The following TMCO4 variants were observed in gnomAD, a reference collection of about 807,000 sequenced individuals.
TMCO4 encodes the protein transmembrane and coiled-coil domains 4, also known as transmembrane and coiled-coil domain-containing protein 4.
In TMCO4, 58 loss-of-function variants were observed where a neutral mutation model predicts 64.7. The ratio of observed to expected loss-of-function variants is 0.90; its 90% confidence interval spans 0.73 to 1.12. TMCO4 has a LOEUF of 1.12. Among genes scored for constraint, TMCO4 ranks in the 50% most tolerant of loss-of-function variants. TMCO4 has a pLI of 0.00. For synonymous variants in TMCO4, 325 were observed against 346.1 expected (o/e 0.94, Z 0.68); for missense variants, 780 against 825.9 (o/e 0.94, Z 0.68).
Position 19,733,644 on chromosome 1 carries a change from T to C in TMCO4, c.1264+3728A>G, listed in dbSNP as rs1357306515. On this transcript the variant is annotated intron_variant, in intron 13 of 15. Transcript: ENST00000294543. Reference sequence around the variant, plus strand: ...CATATAGGGGCCTCATATATATATTTTGGGAAAACAATTGCCCACGTGCTG... The same window carrying C: ...CATATAGGGGCCTCATATATATATTCTGGGAAAACAATTGCCCACGTGCTG... Among the ~76,000 whole-genome samples, 3 of 152,126 alleles carry C rather than the reference T, an allele frequency of 2.0e-5. No individual in the cohort carries two copies. The East Asian group carries it at 5.8e-4, about 29-fold the overall frequency.
In TMCO4 at chr1:19,712,566, G is replaced by A. The variant is rs930293029; in HGVS notation, c.1265-11681C>T. ...ACCTGAGATGCAGAGGTTGCAGTGA[G>A]CTGAGACCATGCCACTGCACTCCAG... On this transcript the variant is annotated intron_variant, in intron 13 of 15. Coordinates refer to ENST00000294543, the MANE Select transcript of TMCO4 (RefSeq NM_181719.7). 2.7e-5 allele frequency among the ~76,000 whole-genome samples: 4 copies of A among 150,908 alleles called. No homozygotes were observed. The Admixed American group carries it at 2.7e-4, about 10-fold the overall frequency.
intron 9 of TMCO4, 28 bp from the exon 10 acceptor site, chr1:19,745,679 T>C (rs377616866): frequency 6.3e-6 from 10 of 1,580,712 alleles, no homozygotes; most frequent in African/African-American, 1.3e-5. Context: ...AGAAAGAGAA[T>C]GGAGGTGACT....
chr1:19,718,106 G>A (rs2095364846), intron 13 of TMCO4, among the ~76,000 whole-genome samples: 1 of 152,054 alleles, frequency 6.6e-6, no homozygotes. Flanking sequence ...GCTAAGGCAG[G>A]TGGATCACCT....
chr1:19,718,947 C>T (rs1339326952), intron 13 of TMCO4, among the ~76,000 whole-genome samples: 1 of 152,192 alleles, frequency 6.6e-6, no homozygotes, highest in African/African-American at 2.4e-5. Context: ...CAACTGCTAA[C>T]TACACACAAC....
intron 14 of TMCO4, 127 bp from the exon 15 acceptor site, chr1:19,694,678 T>G: frequency 9.2e-6 from 7 of 759,420 alleles, no homozygotes; most frequent in East Asian, 2.6e-5. Context: ...ACAGGGCCCC[T>G]GATTGCACGG....
chr1:19,761,857 G>T (rs1370145268), intron 6 of TMCO4, among the ~76,000 whole-genome samples: 1 of 152,236 alleles, frequency 6.6e-6, no homozygotes, highest in Non-Finnish European at 1.5e-5. Flanking sequence ...ATGTGCTCAT[G>T]CCTGGAGGCA....
At chr1:19,778,224 T>C (rs1358443440) in intron 4 of TMCO4, among the ~76,000 whole-genome samples, 1 of 151,948 alleles carries the variant, frequency 6.6e-6, no homozygotes, top group Non-Finnish European at 1.5e-5. Context: ...GTGTGCTTTG[T>C]CTACATCATC....
chr1:19,787,208 A>G (rs1336701583), intron 2 of TMCO4, 91 bp from the exon 3 acceptor site: 1 of 152,312 alleles, frequency 6.6e-6, no homozygotes, highest in Non-Finnish European at 1.5e-5. Flanking sequence ...CTGGTCAGTT[A>G]AAGCTCAGGG....
At chr1:19,716,105 C>T (rs2095354477) in intron 13 of TMCO4, among the ~76,000 whole-genome samples, 1 of 151,938 alleles carries the variant, frequency 6.6e-6, no homozygotes, top group African/African-American at 2.4e-5. Context: ...TTGTTTGAGC[C>T]CAGGAGTTTG....
At chr1:19,709,676 G>T (rs1206104551) in intron 13 of TMCO4, among the ~76,000 whole-genome samples, 2 of 151,768 alleles carry the variant, frequency 1.3e-5, no homozygotes, top group African/African-American at 4.8e-5. Context: ...CTTCACAGGG[G>T]CAGGGAATGA....
intron 4 of TMCO4, among the ~76,000 whole-genome samples, chr1:19,775,760 T>G (rs2043178133): frequency 6.6e-6 from 1 of 152,206 alleles, no homozygotes; most frequent in South Asian, 2.1e-4. Context: ...GGGAACAGCA[T>G]CTGTGATGTT....
intron 14 of TMCO4, among the ~76,000 whole-genome samples, chr1:19,696,221 T>C (rs2095235752): frequency 6.6e-6 from 1 of 152,200 alleles, no homozygotes; most frequent in African/African-American, 2.4e-5. Flanking sequence ...TACCGATGAT[T>C]ATCCTAATAT....
intron 15 of TMCO4, among the ~76,000 whole-genome samples, chr1:19,687,872 G>C (rs970834492): frequency 2.6e-5 from 4 of 152,256 alleles, no homozygotes; most frequent in Middle Eastern, 6.8e-3. Flanking sequence ...AAGTTGGTCT[G>C]GGTCTCAGGC....
At chr1:19,695,642 C>T (rs1005085597) in intron 14 of TMCO4, among the ~76,000 whole-genome samples, 3 of 152,144 alleles carry the variant, frequency 2.0e-5, no homozygotes, top group Admixed American at 1.3e-4. Context: ...TGCTGTGTGA[C>T]CACAGGCAAG....
chr1:19,756,406 C>G (rs2042258190), intron 6 of TMCO4, among the ~76,000 whole-genome samples: 1 of 152,010 alleles, frequency 6.6e-6, no homozygotes, highest in African/African-American at 2.4e-5. Context: ...GGCAACTGGA[C>G]AATAAGTATC....
Position 19,739,173 on chromosome 1 carries a change from C to G in TMCO4, c.1179+651G>C, listed in dbSNP as rs12067228. Among the ~76,000 whole-genome samples the G allele has an allele frequency of 1.6e-3, 247 of 152,330 alleles. 1 individual carries two copies. The highest frequency in any genetic ancestry group is 5.8e-3 in the African/African-American group (243 of 41,574). Reference sequence around the variant, plus strand: ...CCTGACAATGCAGTCATTTCTGGTACTGCTTCTCAAGCTTTTGTCTCCATT... The same window carrying G: ...CCTGACAATGCAGTCATTTCTGGTAGTGCTTCTCAAGCTTTTGTCTCCATT... On this transcript the variant is annotated intron_variant, in intron 12 of 15. Coordinates refer to ENST00000294543, the MANE Select transcript of TMCO4 (RefSeq NM_181719.7).
intron 13 of TMCO4, among the ~76,000 whole-genome samples, chr1:19,711,815 G>T (rs1040882511): frequency 5.9e-5 from 9 of 152,154 alleles, no homozygotes; most frequent in African/African-American, 2.2e-4. Flanking sequence ...GCGCCACCAT[G>T]CCTGGCTAAT....
At chr1:19,709,113 G>A (rs1352215924) in intron 13 of TMCO4, among the ~76,000 whole-genome samples, 4 of 152,136 alleles carry the variant, frequency 2.6e-5, no homozygotes, top group Admixed American at 6.5e-5. Context: ...CCCAAGCCCC[G>A]CAGTGGAATG....
chr1:19,729,951 C>T (rs1049421184), intron 13 of TMCO4, among the ~76,000 whole-genome samples: 4 of 152,290 alleles, frequency 2.6e-5, no homozygotes, highest in Middle Eastern at 3.4e-3. Flanking sequence ...TGTACCCATA[C>T]ACATACACAC....
Sources: allele counts gnomAD v4.1 joint callset (sites outside exome capture counted in the v4.1 genomes callset), GRCh38; gene constraint gnomAD v4.1.1; transcripts MANE v1.5; gene names NCBI Gene and HGNC (gene_info 2026-07-23, HGNC 2026-07-21).